IFIT2: variants seen among roughly 807,000 people sequenced by gnomAD.
IFIT2 encodes interferon-induced protein with tetratricopeptide repeats 2.
A neutral mutation model predicts 2.5 loss-of-function variants in IFIT2; 3 were observed. The observed-to-expected ratio is 1.21, with a 90% CI of 0.55 to 3.14. IFIT2 has a LOEUF of 3.14. Ranked by LOEUF, IFIT2 falls within the 30% of genes most tolerant of loss-of-function variation. IFIT2 has a pLI of 0.03. For synonymous variants in IFIT2, 212 were observed against 200.7 expected (o/e 1.06, Z -0.48); for missense variants, 493 against 558.9 (o/e 0.88, Z 1.19).
rs1416188671 is a variant in IFIT2 at position 89,308,571 on chromosome 10, C to T, written c.*1196C>T. The stretch of plus-strand genomic sequence containing the variant: ...CACAAAATTCACGGTATGCTTGGAA[C>T]GATTGAGATTTTCTAGGTAGATGCT... On this transcript the variant is annotated 3_prime_UTR_variant, in exon 2 of 2. Transcript: ENST00000371826. 2 of 152,086 alleles carry T rather than the reference C, an allele frequency of 1.3e-5. No individual in the cohort carries two copies. The highest frequency in any genetic ancestry group is 1.9e-4 in the East Asian group (1 of 5,190). The allele number at this position is 152,086 out of a possible 1,614,324, so 9.4% of individuals were successfully genotyped here. A position where few individuals can be genotyped will look rare whatever the true frequency, so the allele number is the denominator to read the frequency against.
chr10:89,305,820 C>G, intron 1 of IFIT2, 142 bp from the exon 2 acceptor site: 1 of 649,730 alleles, frequency 1.5e-6, no homozygotes. Flanking sequence ...TAAGGAAAAA[C>G]ATATTATAGA....
Sources: gnomAD v4.1 joint callset for allele counts on GRCh38, gnomAD v4.1.1 for gene constraint, MANE v1.5 for transcripts, NCBI Gene and HGNC (gene_info 2026-07-23, HGNC 2026-07-21) for gene names.